The following PLA2R1 variants were observed in gnomAD, a reference collection of about 807,000 sequenced individuals.
PLA2R1 encodes secretory phospholipase A2 receptor.
A neutral mutation model predicts 195.9 loss-of-function variants in PLA2R1; 158 were observed. That is an observed-to-expected ratio of 0.81 (90% CI 0.71 to 0.92). The LOEUF (loss-of-function observed/expected upper bound fraction) is 0.92, where lower values mean the gene tolerates loss of function less well. Among genes scored for constraint, PLA2R1 ranks in the 40% least tolerant of loss-of-function variants. PLA2R1 has a pLI of 0.00. For synonymous variants in PLA2R1, 586 were observed against 598.2 expected (o/e 0.98, Z 0.30); for missense variants, 1,626 against 1,764.6 (o/e 0.92, Z 1.41).
chr2:159,942,184 A>G, intron 28 of PLA2R1, 25 bp from the exon 29 acceptor site: 1 of 1,596,572 alleles, frequency 6.3e-7, no homozygotes. Flanking sequence ...AAAAATTAAA[A>G]TGAGGTTTTT....
chr2:160,057,774 G>A (rs1027082089), intron 1 of PLA2R1, among the ~76,000 whole-genome samples: 20 of 152,118 alleles, frequency 1.3e-4, no homozygotes, highest in African/African-American at 4.6e-4. Flanking sequence ...TCTGGAGGTG[G>A]GTAGCAGATT....
downstream of PLA2R1, chr2:159,932,005 G>C (rs980295952): frequency 6.6e-6 from 1 of 152,126 alleles, no homozygotes; most frequent in Admixed American, 6.5e-5. Context: ...ACAAATATAG[G>C]TTATTATTTA....
intron 10 of PLA2R1, among the ~76,000 whole-genome samples, chr2:160,006,845 C>G (rs533618835): frequency 2.5e-4 from 38 of 152,256 alleles, no homozygotes; most frequent in African/African-American, 8.9e-4. Context: ...GCATCCTTAA[C>G]TTGCTAAGGG....
intron 20 of PLA2R1, among the ~76,000 whole-genome samples, chr2:159,963,601 A>G (rs1225275527): frequency 6.6e-6 from 1 of 152,204 alleles, no homozygotes; most frequent in African/African-American, 2.4e-5. Context: ...CATTTTTCCA[A>G]AGAAGATAAA....
At chr2:159,970,105 A>G (rs1488403400) in intron 18 of PLA2R1, 43 bp downstream of exon 18, 1 of 1,281,332 alleles carries the variant, frequency 7.8e-7, no homozygotes, top group Non-Finnish European at 1.1e-6. Context: ...TGCAAATAAA[A>G]CCTGTCAAAC....
intron 17 of PLA2R1, among the ~76,000 whole-genome samples, chr2:159,974,879 T>C: frequency 6.6e-6 from 1 of 152,088 alleles, no homozygotes; most frequent in East Asian, 1.9e-4. Context: ...AGACAGTAAA[T>C]CCCCATGAAC....
Position 160,022,811 on chromosome 2 carries a change from T to C in PLA2R1, c.1148A>G (p.Asn383Ser). 2 of 1,613,590 alleles carry C rather than the reference T, an allele frequency of 1.2e-6. No individual in the cohort carries two copies. Among genetic ancestry groups the C allele is most frequent in the Non-Finnish European group, 1.7e-6 (2 of 1,179,666 alleles). Residue 383 changes from asparagine to serine, a missense_variant, in exon 7 of 30, where the codon AAT becomes AGT. By Grantham distance (46) the Asn-to-Ser change is conservative (BLOSUM62 1). Transcript: ENST00000283243. Reference sequence around the variant, plus strand: ...TTTGTAGCAATTACGATTGTAGGGATTCCAGCCAGGCTCACAGTGGGTAGC... The same window carrying C: ...TTTGTAGCAATTACGATTGTAGGGACTCCAGCCAGGCTCACAGTGGGTAGC... ...YYATHCEPGW[N>S]PYNRNCYKLQ...
chr2:159,971,340 GAAC>G (rs1323305915), intron 17 of PLA2R1, among the ~76,000 whole-genome samples: 2 of 152,004 alleles, frequency 1.3e-5, no homozygotes, highest in African/African-American at 2.4e-5. Context: ...TAGAAGACTT[GAAC>G]AACAACAACA....
In PLA2R1 at chr2:159,976,052, A is replaced by C. The variant is rs1456777510; in HGVS notation, c.2595+16T>G. On this transcript the variant is annotated intron_variant, in intron 17 of 29. Transcript: ENST00000283243. ...GCTAAACTCTGAATTTTTCGTGGTGAGTTATGTTCAAGTACCGCTTTTATT... is the reference window on the plus strand; with the variant it reads ...GCTAAACTCTGAATTTTTCGTGGTGCGTTATGTTCAAGTACCGCTTTTATT... 1 of 1,573,610 alleles carries C rather than the reference A, an allele frequency of 6.4e-7. No individual in the cohort carries two copies. The highest frequency in any genetic ancestry group is 1.1e-5 in the South Asian group (1 of 89,242).
At chr2:159,987,057 G>GA (rs1011955763) in intron 12 of PLA2R1, 99 bp downstream of exon 12, 1,413 of 841,076 alleles carry the variant, frequency 1.7e-3, no homozygotes, top group Non-Finnish European at 2.2e-3. Flanking sequence ...CACTGTTCTG[G>GA]AAAAAAAAAG....
chr2:159,996,593 T>G (rs1691226323), intron 11 of PLA2R1, among the ~76,000 whole-genome samples: 1 of 152,098 alleles, frequency 6.6e-6, no homozygotes, highest in Non-Finnish European at 1.5e-5. Context: ...GATATTAACT[T>G]GGGGGAAATT....
At chr2:160,050,093 C>T (rs1004753425) in intron 1 of PLA2R1, among the ~76,000 whole-genome samples, 13 of 152,054 alleles carry the variant, frequency 8.5e-5, no homozygotes, top group Non-Finnish European at 1.9e-4. Context: ...ACATCCTGCA[C>T]GTGCATCCCA....
chr2:159,953,971 C>G (rs2125936172), intron 23 of PLA2R1, among the ~76,000 whole-genome samples: 1 of 152,230 alleles, frequency 6.6e-6, no homozygotes, highest in Middle Eastern at 3.4e-3. Flanking sequence ...GTAACTAGGA[C>G]TACAGGCACC....
chr2:160,005,832 G>T lies in PLA2R1; in HGVS notation c.1665-11C>A. The stretch of plus-strand genomic sequence containing the variant: ...AAAGCCTGTTCAAACCTTAAAAGGG[G>T]AAAAAAGAAGTGGTTACATTAAGTT... On this transcript the variant is annotated splice_polypyrimidine_tract_variant and intron_variant, in intron 10 of 29. Transcript: ENST00000283243. 1 of 1,586,276 alleles carries T rather than the reference G, an allele frequency of 6.3e-7. No individual in the cohort carries two copies. Among genetic ancestry groups the T allele is most frequent in the Admixed American group, 1.7e-5 (1 of 57,978 alleles).
At chr2:159,942,393 C>A (rs1029224255) in intron 28 of PLA2R1, among the ~76,000 whole-genome samples, 3 of 152,178 alleles carry the variant, frequency 2.0e-5, no homozygotes, top group African/African-American at 7.2e-5. Context: ...TACTAGCTGG[C>A]CCTTTACAGA....
At chr2:160,055,907 C>T (rs1434790098) in intron 1 of PLA2R1, among the ~76,000 whole-genome samples, 1 of 152,166 alleles carries the variant, frequency 6.6e-6, no homozygotes, top group Non-Finnish European at 1.5e-5. Flanking sequence ...CAGCTTCTCC[C>T]CACTGCCGCC....
chr2:160,045,536 G>T (rs1002524453), intron 1 of PLA2R1, among the ~76,000 whole-genome samples: 1 of 152,154 alleles, frequency 6.6e-6, no homozygotes, highest in East Asian at 1.9e-4. Context: ...GGTGCCAATG[G>T]ATATGACAAC....
intron 11 of PLA2R1, among the ~76,000 whole-genome samples, chr2:159,998,707 C>A (rs982916921): frequency 3.9e-5 from 6 of 152,102 alleles, no homozygotes; most frequent in Non-Finnish European, 8.8e-5. Context: ...CACAGTGCTC[C>A]TAAAATTTCT....
intron 1 of PLA2R1, among the ~76,000 whole-genome samples, chr2:160,057,579 C>CT (rs1559031940): frequency 6.6e-6 from 1 of 152,148 alleles, no homozygotes; most frequent in African/African-American, 2.4e-5. Context: ...AAACAAATGT[C>CT]TTTTTATGAG....
Sources: allele counts gnomAD v4.1 joint callset (sites outside exome capture counted in the v4.1 genomes callset), GRCh38; gene constraint gnomAD v4.1.1; transcripts MANE v1.5; gene names NCBI Gene and HGNC (gene_info 2026-07-23, HGNC 2026-07-21).